RMDN1: variants seen among roughly 807,000 people sequenced by gnomAD.
RMDN1 encodes the protein regulator of microtubule dynamics protein 1.
Under a neutral mutation model 48.9 loss-of-function variants are expected in RMDN1, and 48 were observed. The ratio of observed to expected loss-of-function variants is 0.98; its 90% CI spans 0.78 to 1.25. The LOEUF (loss-of-function observed/expected upper bound fraction) is 1.25, where lower values mean the gene tolerates loss of function less well. Among genes scored for constraint, RMDN1 ranks in the 50% most tolerant of loss-of-function variants. RMDN1 has a pLI of 0.00. For missense variants in RMDN1, 418 were observed against 373.4 expected (o/e 1.12, Z -0.98); for synonymous variants, 148 against 132.6 (o/e 1.12, Z -0.80).
At chr8:86,495,823 T>C (rs892940598) in intron 2 of RMDN1, among the ~76,000 whole-genome samples, 2 of 152,000 alleles carry the variant, frequency 1.3e-5, no homozygotes. Context: ...AGATAGTATA[T>C]AAAACAACCA....
downstream of RMDN1, among the ~76,000 whole-genome samples, chr8:86,471,726 G>T (rs1563569448): frequency 6.6e-6 from 1 of 152,170 alleles, no homozygotes; most frequent in African/African-American, 2.4e-5. Context: ...AAATCAGTAA[G>T]TGATAAATGT....
chr8:86,504,332 C>G, intron 2 of RMDN1: 1 of 1,579,022 alleles, frequency 6.3e-7, no homozygotes, highest in Non-Finnish European at 8.7e-7. Context: ...GCAAGGATGT[C>G]ACAAGAAAAG....
At chr8:86,501,348 T>C (rs1431195355) in intron 2 of RMDN1, among the ~76,000 whole-genome samples, 8 of 152,162 alleles carry the variant, frequency 5.3e-5, no homozygotes, top group Non-Finnish European at 1.5e-5. Flanking sequence ...CAAAATACAC[T>C]GAAACTAAAT....
At chr8:86,478,686 G>A (rs552964648) in intron 7 of RMDN1, 26 of 462,722 alleles carry the variant, frequency 5.6e-5, no homozygotes, top group Admixed American at 3.6e-4. Context: ...TTTTAGCCAC[G>A]AGCCATTTTA....
chr8:86,473,234 T>A lies in RMDN1; in HGVS notation c.*1074A>T. On this transcript the variant is annotated 3_prime_UTR_variant, in exon 10 of 10. Transcript: ENST00000406452. Reference sequence around the variant, plus strand: ...CAATTCCCAAATCCTTTGGGAAAAATCCACCTACACACACAGTCTGTCTTT... The same window carrying A: ...CAATTCCCAAATCCTTTGGGAAAAAACCACCTACACACACAGTCTGTCTTT... 4 of 985,278 alleles carry A rather than the reference T, an allele frequency of 4.1e-6. No homozygotes were observed. The highest frequency in any genetic ancestry group is 3.6e-6 in the Non-Finnish European group (3 of 829,894). The allele number at this position is 985,278 out of a possible 1,614,324, so 61.0% of individuals were successfully genotyped here. A position where few individuals can be genotyped will look rare whatever the true frequency, so the allele number is the denominator to read the frequency against.
intron 7 of RMDN1, chr8:86,477,928 C>T (rs1161787178): frequency 6.6e-6 from 1 of 152,090 alleles, no homozygotes; most frequent in Non-Finnish European, 1.5e-5. Flanking sequence ...ACTCTGTTGC[C>T]CAGGCTGGAA....
chr8:86,498,718 T>C (rs2131123123), intron 2 of RMDN1, among the ~76,000 whole-genome samples: 1 of 152,010 alleles, frequency 6.6e-6, no homozygotes, highest in South Asian at 2.1e-4. Flanking sequence ...GAGGCGGAGG[T>C]TGCAGTGAGC....
At chr8:86,477,520 TA>T in intron 7 of RMDN1, 196 bp from the exon 8 acceptor site, 1 of 474,228 alleles carries the variant, frequency 2.1e-6, no homozygotes, top group Middle Eastern at 5.5e-4. Context: ...AAGATTACAA[TA>T]TATGGACTAC....
At chr8:86,484,437 G>A (rs1052516196) in intron 5 of RMDN1, among the ~76,000 whole-genome samples, 5 of 152,060 alleles carry the variant, frequency 3.3e-5, no homozygotes, top group Non-Finnish European at 7.4e-5. Flanking sequence ...CAAACTGTCG[G>A]CTGGGCACAG....
intron 5 of RMDN1, chr8:86,482,665 G>C: frequency 1.2e-6 from 1 of 840,488 alleles, no homozygotes; most frequent in Non-Finnish European, 2.1e-6. Context: ...AGCGCAGTCG[G>C]AAAAAGACTT....
upstream of RMDN1, among the ~76,000 whole-genome samples, chr8:86,510,558 TTCAGCCCGTCAGGCCA>T (rs1252159152): frequency 6.6e-6 from 1 of 152,210 alleles, no homozygotes; most frequent in East Asian, 1.9e-4. Flanking sequence ...GAAGAACTCC[TTCAGCCCGTCAGGCCA>T]TCAGATGATT....
rs921161871 is a variant in RMDN1 at position 86,474,245 on chromosome 8, G to A, written c.*63C>T. ...AGAACAGTTATAGTTCATATATTAA[G>A]TTTAGAATTAAAAGAAAAGGCAATG... On this transcript the variant is annotated 3_prime_UTR_variant, in exon 10 of 10. Transcript: ENST00000406452. The A allele has an allele frequency of 9.3e-6, 15 of 1,605,182 alleles. No individual in the cohort carries two copies. The highest frequency in any genetic ancestry group is 1.1e-5 in the Non-Finnish European group (13 of 1,176,348).
At chr8:86,514,186 A>C (rs1820192391) in intron 1 of RMDN1, 2 of 885,792 alleles carry the variant, frequency 2.3e-6, no homozygotes, top group Admixed American at 6.2e-5. Flanking sequence ...AATTTTCTCA[A>C]ATATTTAAAT....
chr8:86,470,773 C>G (rs1389675112), downstream of RMDN1, among the ~76,000 whole-genome samples: 1 of 152,040 alleles, frequency 6.6e-6, no homozygotes, highest in East Asian at 1.9e-4. Context: ...AAAAAAGTAT[C>G]ACAGGGTCTC....
intron 2 of RMDN1, among the ~76,000 whole-genome samples, chr8:86,493,576 A>G (rs1816854089): frequency 6.6e-6 from 1 of 152,160 alleles, no homozygotes; most frequent in Non-Finnish European, 1.5e-5. Context: ...ACATGATGTT[A>G]AGTGAAATAA....
upstream of RMDN1, among the ~76,000 whole-genome samples, chr8:86,512,390 T>G (rs1260181220): frequency 6.6e-6 from 1 of 152,222 alleles, no homozygotes; most frequent in Non-Finnish European, 1.5e-5. Flanking sequence ...CCAGTACACT[T>G]CAGCAACAAA....
chr8:86,500,563 G>GTTT (rs1818040423), intron 2 of RMDN1, among the ~76,000 whole-genome samples: 1 of 151,002 alleles, frequency 6.6e-6, no homozygotes, highest in East Asian at 1.9e-4. Context: ...AGGTTGTGGA[G>GTTT]AAAAGGGAAT....
At chr8:86,511,741 A>G (rs1422007677), upstream of RMDN1, among the ~76,000 whole-genome samples, 2 of 150,772 alleles carry the variant, frequency 1.3e-5, no homozygotes, top group African/African-American at 2.4e-5. Flanking sequence ...AAAGCCTGAG[A>G]GGTTGAAGCT....
intron 2 of RMDN1, chr8:86,505,141 A>G: frequency 8.0e-7 from 1 of 1,254,144 alleles, no homozygotes; most frequent in Non-Finnish European, 1.1e-6. Context: ...CATCAGGATG[A>G]ACCCAGGACT....
Sources: gnomAD v4.1 joint callset for allele counts (sites outside exome capture counted in the v4.1 genomes callset) on GRCh38, gnomAD v4.1.1 for gene constraint, MANE v1.5 for transcripts, NCBI Gene and HGNC (gene_info 2026-07-23, HGNC 2026-07-21) for gene names.